The following FRMD4A variants were observed in gnomAD, a reference collection of about 807,000 sequenced individuals.
FRMD4A encodes the protein FERM domain containing 4A, also known as FERM domain-containing protein 4A.
Under a neutral mutation model 129.1 loss-of-function variants are expected in FRMD4A, and 29 were observed. The ratio of observed to expected loss-of-function variants is 0.22; its 90% CI spans 0.17 to 0.31. The LOEUF (loss-of-function observed/expected upper bound fraction) is 0.31, where lower values mean the gene tolerates loss of function less well. Among genes scored for constraint, FRMD4A ranks in the 10% least tolerant of loss-of-function variants. The pLI, the probability that FRMD4A is intolerant of heterozygous loss-of-function variation, is 1.00. For synonymous variants in FRMD4A, 634 were observed against 571.6 expected (o/e 1.11, Z -1.56); for missense variants, 1,272 against 1,375.8 (o/e 0.92, Z 1.19).
chr10:13,887,510 C>T (rs539327838), intron 2 of FRMD4A, among the ~76,000 whole-genome samples: 1 of 152,216 alleles, frequency 6.6e-6, no homozygotes, highest in East Asian at 1.9e-4. Context: ...GAAACCCCGT[C>T]TCTACTAAAA....
At chr10:14,018,904 C>T (rs1389380034) in intron 2 of FRMD4A, among the ~76,000 whole-genome samples, 1 of 152,082 alleles carries the variant, frequency 6.6e-6, no homozygotes, top group South Asian at 2.1e-4. Flanking sequence ...AAGAGTCAAG[C>T]CTGTAAATGC....
chr10:13,646,352 G>T lies in FRMD4A; in HGVS notation c.*686C>A. ...TTTATTTTTAATCTTTGGCAGCATA[G>T]AACTGATTGTGGTCCTCCGATGCAT... On this transcript the variant is annotated 3_prime_UTR_variant, in exon 25 of 25. Coordinates refer to ENST00000357447, the MANE Select transcript of FRMD4A (RefSeq NM_018027.5). 6.6e-6 allele frequency: 1 copy of T among 152,530 alleles called. No individual in the cohort carries two copies. The highest frequency in any genetic ancestry group is 1.9e-4 in the East Asian group (1 of 5,200). The allele number at this position is 152,530 out of a possible 1,614,324, so 9.4% of individuals were successfully genotyped here.
intron 4 of FRMD4A, among the ~76,000 whole-genome samples, chr10:13,809,654 A>C (rs1248337500): frequency 6.6e-6 from 1 of 152,140 alleles, no homozygotes; most frequent in Non-Finnish European, 1.5e-5. Flanking sequence ...TGCAGGCTCC[A>C]GGACGAGGGG....
chr10:14,175,498 C>T (rs1450426009), intron 2 of FRMD4A, among the ~76,000 whole-genome samples: 1 of 150,922 alleles, frequency 6.6e-6, no homozygotes, highest in African/African-American at 2.4e-5. Flanking sequence ...TTGATCACCT[C>T]CTTCGTAGTC....
rs550019551 is a variant in FRMD4A, at chr10:13,947,184, G to A, written c.46-88272C>T. On this transcript the variant is annotated intron_variant, in intron 2 of 24. Coordinates refer to ENST00000357447, the MANE Select transcript of FRMD4A (RefSeq NM_018027.5). ...AAGCGGAGACCTGAGTGTCCCAGGG[G>A]TTTTGGGGACAAGGAATAGAGCAGT... is the stretch of plus-strand genomic sequence containing the variant. Among the ~76,000 whole-genome samples, 7 of 152,284 alleles carry A rather than the reference G, an allele frequency of 4.6e-5. No individual in the cohort carries two copies. In the East Asian group the frequency reaches 1.4e-3, roughly 29 times the overall value.
chr10:14,124,701 A>ACAAC (rs1554765433), intron 2 of FRMD4A, among the ~76,000 whole-genome samples: 4 of 151,602 alleles, frequency 2.6e-5, no homozygotes, highest in African/African-American at 9.8e-5. Flanking sequence ...AACAACAACA[A>ACAAC]AACAAAACAA....
At chr10:13,916,000 A>G (rs1414823470) in intron 2 of FRMD4A, among the ~76,000 whole-genome samples, 1 of 152,154 alleles carries the variant, frequency 6.6e-6, no homozygotes, top group Non-Finnish European at 1.5e-5. Flanking sequence ...GAACAAACAC[A>G]ACATTGTCTG....
chr10:14,231,282 T>C (rs1222006646), intron 2 of FRMD4A, among the ~76,000 whole-genome samples: 1 of 152,134 alleles, frequency 6.6e-6, no homozygotes, highest in Non-Finnish European at 1.5e-5. Context: ...CTCACCATCA[T>C]CTGTTGTTTT....
intron 2 of FRMD4A, among the ~76,000 whole-genome samples, chr10:14,065,517 T>C (rs1416605005): frequency 1.3e-5 from 2 of 152,114 alleles, no homozygotes; most frequent in South Asian, 2.1e-4. Flanking sequence ...AGTTCTCCTT[T>C]GAGGTAGCAT....
chr10:14,292,635 T>C (rs1845884105), intron 2 of FRMD4A, among the ~76,000 whole-genome samples: 1 of 151,938 alleles, frequency 6.6e-6, no homozygotes, highest in Non-Finnish European at 1.5e-5. Flanking sequence ...CTGTCTCTAC[T>C]AAAAAATACA....
At chr10:13,715,809 G>A (rs1053540529) in intron 12 of FRMD4A, among the ~76,000 whole-genome samples, 1 of 151,840 alleles carries the variant, frequency 6.6e-6, no homozygotes, top group East Asian at 1.9e-4. Flanking sequence ...AGGAGGCTGA[G>A]GAAGCAGAAT....
chr10:14,089,494 A>G (rs1478545019), intron 2 of FRMD4A, among the ~76,000 whole-genome samples: 1 of 152,000 alleles, frequency 6.6e-6, no homozygotes, highest in African/African-American at 2.4e-5. Context: ...AGCCCGTTCT[A>G]TGTTTTCAGT....
At chr10:14,237,515 G>T (rs1843869960) in intron 2 of FRMD4A, among the ~76,000 whole-genome samples, 1 of 152,064 alleles carries the variant, frequency 6.6e-6, no homozygotes, top group Non-Finnish European at 1.5e-5. Context: ...ATTTTTAGTA[G>T]AAATGGGGTT....
At chr10:14,127,976 TTCCTTCTCTCTCTCTCTC>T (rs1838972173) in intron 2 of FRMD4A, among the ~76,000 whole-genome samples, 5 of 22,288 alleles carry the variant, frequency 2.2e-4, no homozygotes, top group African/African-American at 8.6e-4. Flanking sequence ...CTTTCTTTCT[TTCCTTCTCTCTCTCTCTC>T]TCTCTCTTTC....
rs11344544 is a variant in FRMD4A, at chr10:14,031,269, ATT to A, written c.46-172359_46-172358del. Among the ~76,000 whole-genome samples the A allele has an allele frequency of 8.9e-3, 1,268 of 143,172 alleles. 9 individuals are homozygous for A. Among genetic ancestry groups the A allele is most frequent in the African/African-American group, 0.024 (937 of 38,724 alleles). The allele number at this position is 143,172 out of a possible 152,430, so 93.9% of individuals were successfully genotyped here. ...GCATCCTCCTGAATCTTTTATAGAC[ATT>A]TTTTTTTTTTTTTGAGATGGAGTTT... On this transcript the variant is annotated intron_variant, in intron 2 of 24. Coordinates refer to ENST00000357447, the MANE Select transcript of FRMD4A (RefSeq NM_018027.5).
intron 2 of FRMD4A, among the ~76,000 whole-genome samples, chr10:14,090,581 T>G (rs1319415922): frequency 6.6e-6 from 1 of 152,208 alleles, no homozygotes; most frequent in Non-Finnish European, 1.5e-5. Flanking sequence ...AGCCGCTCCA[T>G]GCTAAAGCCT....
intron 2 of FRMD4A, among the ~76,000 whole-genome samples, chr10:14,020,977 C>G (rs1322275831): frequency 6.6e-6 from 1 of 152,150 alleles, no homozygotes; most frequent in African/African-American, 2.4e-5. Context: ...TCCTTGGCAT[C>G]AGACACACCC....
At chr10:13,993,445 C>T (rs1027679717) in intron 2 of FRMD4A, among the ~76,000 whole-genome samples, 1 of 152,184 alleles carries the variant, frequency 6.6e-6, no homozygotes, top group Non-Finnish European at 1.5e-5. Context: ...CCACCTTGAT[C>T]ATAAAAGAAC....
intron 2 of FRMD4A, among the ~76,000 whole-genome samples, chr10:13,935,859 GC>G (rs2095245251): frequency 6.6e-6 from 1 of 152,206 alleles, no homozygotes; most frequent in Admixed American, 6.5e-5. Context: ...AGTAGAAAAA[GC>G]AAGACTCAAA....
Sources: gnomAD v4.1 joint callset for allele counts (sites outside exome capture counted in the v4.1 genomes callset) on GRCh38, gnomAD v4.1.1 for gene constraint, MANE v1.5 for transcripts, NCBI Gene and HGNC (gene_info 2026-07-23, HGNC 2026-07-21) for gene names.